Variants in LRRC37A2 observed in about 807,000 individuals in gnomAD.
The protein encoded by LRRC37A2 is leucine-rich repeat-containing protein 37A2.
LRRC37A2 carries 9 observed loss-of-function variants against 68.8 expected under a neutral mutation model. That is an observed-to-expected ratio of 0.13 (90% CI 0.08 to 0.23). LRRC37A2 has a LOEUF of 0.23. Ranked by LOEUF, LRRC37A2 falls within the 10% of genes least tolerant of loss-of-function variation. The probability of loss-of-function intolerance (pLI) is 1.00; values close to 1 mark genes in which losing one functional copy is unlikely to be tolerated. For missense variants in LRRC37A2, 168 were observed against 950.4 expected, an observed-to-expected ratio of 0.18 and a Z score of 10.82; for synonymous variants, 63 against 367.6, an observed-to-expected ratio of 0.17 and a Z score of 9.48.
chr17:46,500,802 T>A, the LRRC37A2 span, among the ~76,000 whole-genome samples: 5 of 151,194 alleles, frequency 3.3e-5, no homozygotes, highest in East Asian at 5.8e-4. Flanking sequence ...CATCTGGATC[T>A]TAGGGGAAAT....
chr17:47,034,164 C>T, the LRRC37A2 span, among the ~76,000 whole-genome samples: 1 of 152,152 alleles, frequency 6.6e-6, no homozygotes, highest in Non-Finnish European at 1.5e-5. Context: ...AGTGAGACCC[C>T]AATCTCTACA....
the LRRC37A2 span, among the ~76,000 whole-genome samples, chr17:46,827,458 A>G: frequency 6.6e-6 from 1 of 152,212 alleles, no homozygotes; most frequent in African/African-American, 2.4e-5. Context: ...CTATGAGGAA[A>G]GCTGCCTGAA....
chr17:46,848,518 G>A, the LRRC37A2 span, among the ~76,000 whole-genome samples: 2 of 152,242 alleles, frequency 1.3e-5, no homozygotes, highest in African/African-American at 4.8e-5. Context: ...GGTCCCAAGG[G>A]CTGCTCTTCA....
At chr17:46,803,265 G>A in the LRRC37A2 span, among the ~76,000 whole-genome samples, 2 of 152,174 alleles carry the variant, frequency 1.3e-5, no homozygotes, top group Non-Finnish European at 2.9e-5. Flanking sequence ...CAGGCGTAGC[G>A]GCTCACACCT....
At chr17:46,769,561 G>A in the LRRC37A2 span, among the ~76,000 whole-genome samples, 1 of 152,088 alleles carries the variant, frequency 6.6e-6, no homozygotes, top group South Asian at 2.1e-4. Flanking sequence ...CTCCCAGGCC[G>A]ACTCATCCCG....
the LRRC37A2 span, among the ~76,000 whole-genome samples, chr17:46,887,693 G>T: frequency 9.9e-4 from 151 of 152,228 alleles, 1 homozygote; most frequent in African/African-American, 3.5e-3. Flanking sequence ...GAACCCAGGA[G>T]GTGAAGGTTT....
chr17:46,824,982 G>T, the LRRC37A2 span, among the ~76,000 whole-genome samples: 1 of 152,222 alleles, frequency 6.6e-6, no homozygotes. Context: ...CTGGGGCTTG[G>T]TGGCCCCTCG....
chr17:46,985,927 C>A, the LRRC37A2 span, among the ~76,000 whole-genome samples: 37 of 152,302 alleles, frequency 2.4e-4, no homozygotes, highest in African/African-American at 8.9e-4. Context: ...CCTCGTCTAC[C>A]CCAAAAGTAC....
the LRRC37A2 span, among the ~76,000 whole-genome samples, chr17:46,903,119 T>C: frequency 1.3e-5 from 2 of 152,104 alleles, no homozygotes; most frequent in East Asian, 3.9e-4. Flanking sequence ...CCATCTCTAC[T>C]AAAAATACAA....
the LRRC37A2 span, among the ~76,000 whole-genome samples, chr17:46,456,244 G>A: frequency 9.4e-6 from 1 of 106,502 alleles, no homozygotes; most frequent in Non-Finnish European, 2.2e-5. Context: ...GTGTGTGTGT[G>A]TGTATACACA....
At chr17:46,941,864 G>A in the LRRC37A2 span, 8 of 915,542 alleles carry the variant, frequency 8.7e-6, no homozygotes, top group Non-Finnish European at 1.0e-5. Context: ...AGGGTTACAG[G>A]TGTTAGCCAC....
the LRRC37A2 span, among the ~76,000 whole-genome samples, chr17:47,020,736 T>C: frequency 1.7e-5 from 2 of 116,746 alleles, no homozygotes; most frequent in African/African-American, 6.8e-5. Context: ...GAGCCAAGAT[T>C]GCACCACTGC....
the LRRC37A2 span, among the ~76,000 whole-genome samples, chr17:46,876,053 G>C: frequency 6.6e-6 from 1 of 152,182 alleles, no homozygotes; most frequent in African/African-American, 2.4e-5. Flanking sequence ...GTGTGAACTG[G>C]GACTGCTGTG....
the LRRC37A2 span, among the ~76,000 whole-genome samples, chr17:46,918,189 C>T: frequency 1.3e-5 from 2 of 152,200 alleles, no homozygotes; most frequent in African/African-American, 4.8e-5. Context: ...AAGCAATTCT[C>T]CTGCCTCAGC....
At chr17:46,931,097 A>G in the LRRC37A2 span, 1 of 1,456,706 alleles carries the variant, frequency 6.9e-7, no homozygotes, top group Non-Finnish European at 9.6e-7. Flanking sequence ...TTTTTTGTAC[A>G]GTAGTAGAAA....
chr17:46,778,499 G>A, the LRRC37A2 span, among the ~76,000 whole-genome samples: 1 of 152,162 alleles, frequency 6.6e-6, no homozygotes, highest in Non-Finnish European at 1.5e-5. Flanking sequence ...CTGCAGGATG[G>A]CTGCCCTTCC....
chr17:46,708,001 C>G, the LRRC37A2 span, among the ~76,000 whole-genome samples: 1 of 150,726 alleles, frequency 6.6e-6, no homozygotes, highest in Non-Finnish European at 1.5e-5. Context: ...CCACTGCACG[C>G]CAGCCTGGTG....
At chr17:46,718,249 T>G in the LRRC37A2 span, among the ~76,000 whole-genome samples, 3 of 152,214 alleles carry the variant, frequency 2.0e-5, no homozygotes, top group African/African-American at 7.2e-5. Context: ...CCTGCATTTC[T>G]TGTCATGCCA....
At chr17:46,946,038 G>A in the LRRC37A2 span, among the ~76,000 whole-genome samples, 46 of 152,204 alleles carry the variant, frequency 3.0e-4, no homozygotes, top group South Asian at 7.3e-3. Context: ...CTTGGAAGGC[G>A]GGGCCTCCAG....
Sources: gnomAD v4.1 joint callset for allele counts (sites outside exome capture counted in the v4.1 genomes callset) on GRCh38, gnomAD v4.1.1 for gene constraint, MANE v1.5 for transcripts, NCBI Gene and HGNC (gene_info 2026-07-23, HGNC 2026-07-21) for gene names.